Variants in LCA5L observed in about 807,000 individuals in gnomAD.
The protein encoded by LCA5L is lebercilin LCA5 like.
LCA5L carries 35 observed loss-of-function variants against 45.4 expected under a neutral mutation model. The observed-to-expected ratio is 0.77, with a 90% CI of 0.59 to 1.02. The LOEUF is 1.02. Among genes scored for constraint, LCA5L ranks in the 50% least tolerant of loss-of-function variants. The probability of loss-of-function intolerance (pLI) is 0.00; values close to 1 mark genes in which losing one functional copy is unlikely to be tolerated. For missense variants in LCA5L, 668 were observed against 761.6 expected, an observed-to-expected ratio of 0.88 and a Z score of 1.45; for synonymous variants, 233 against 264.7, an observed-to-expected ratio of 0.88 and a Z score of 1.16.
chr21:39,437,213 A>G (rs1217229985), intron 2 of LCA5L, among the ~76,000 whole-genome samples: 1 of 152,220 alleles, frequency 6.6e-6, no homozygotes, highest in African/African-American at 2.4e-5. Context: ...CAATGTGATA[A>G]ATACCTATCT....
At chr21:39,438,395 TGTGGAAAAA>T (rs2076490752) in intron 2 of LCA5L, among the ~76,000 whole-genome samples, 1 of 151,402 alleles carries the variant, frequency 6.6e-6, no homozygotes, top group Non-Finnish European at 1.5e-5. Context: ...AAACACAGAG[TGTGGAAAAA>T]CATAAAGCCT....
intron 2 of LCA5L, among the ~76,000 whole-genome samples, chr21:39,441,468 A>G (rs2076851444): frequency 1.3e-5 from 2 of 152,236 alleles, no homozygotes; most frequent in African/African-American, 4.8e-5. Flanking sequence ...GGTCCAGTCT[A>G]GCACTAAAAT....
rs762376650 is a variant in LCA5L, at chr21:39,428,446, G to A, written c.48C>T (p.Phe16=). The A allele has an allele frequency of 6.8e-6, 11 of 1,610,704 alleles. No individual in the cohort carries two copies. The highest frequency in any genetic ancestry group is 1.6e-4 in the Middle Eastern group (1 of 6,074). Residue 16 remains phenylalanine (F), a synonymous_variant, in exon 5 of 11, where the codon TTC becomes TTT. Transcript: ENST00000288350. ...TCCTATTGTTTTCTAATGCCACGCC[G>A]AAGAAATGCTCATCTATATTTGTTT... ...LTKTNIDEHF[F]GVALENNRRS... is the part of the protein sequence containing the mutation.
intron 10 of LCA5L, among the ~76,000 whole-genome samples, chr21:39,408,165 A>T (rs1212367528): frequency 6.6e-6 from 1 of 152,240 alleles, no homozygotes; most frequent in Non-Finnish European, 1.5e-5. Flanking sequence ...TGGTAATGTA[A>T]CATGAAAACA....
intron 10 of LCA5L, 194 bp from the exon 11 acceptor site, chr21:39,406,806 T>A: frequency 2.0e-6 from 1 of 491,620 alleles, no homozygotes; most frequent in Non-Finnish European, 3.5e-6. Flanking sequence ...TACAGTTTCT[T>A]GGAACTTCCC....
At chr21:39,431,183 C>T (rs79800514) in intron 3 of LCA5L, among the ~76,000 whole-genome samples, 7,672 of 152,146 alleles carry the variant, frequency 0.05, 396 homozygotes, top group African/African-American at 0.13. Context: ...AAGGTGTTAC[C>T]GCCCTCTCCA....
Position 39,411,713 on chromosome 21 carries a change from C to T in LCA5L, c.1060+5G>A. Reference sequence around the variant, plus strand: ...AGATTTTGAGCAAAAGTAATTAAAACATACCTTTTGGATAGTCCTCTGTGT... The same window carrying T: ...AGATTTTGAGCAAAAGTAATTAAAATATACCTTTTGGATAGTCCTCTGTGT... On this transcript the variant is annotated splice_donor_5th_base_variant and intron_variant, in intron 8 of 10. Transcript: ENST00000288350. 1 of 1,390,018 alleles carries T rather than the reference C, an allele frequency of 7.2e-7. No individual in the cohort carries two copies. Among genetic ancestry groups the T allele is most frequent in the South Asian group, 1.4e-5 (1 of 70,492 alleles). The allele number at this position is 1,390,018 out of a possible 1,614,324, so 86.1% of individuals were successfully genotyped here.
Position 39,428,599 on chromosome 21 carries a change from T to TATATATATATA in LCA5L, c.-10-97_-10-96insTATATATATAT, listed in dbSNP as rs59297439. On this transcript the variant is annotated intron_variant, in intron 4 of 10. Transcript: ENST00000288350. ...TATTTTATATATATATATATATATA[T>TATATATATATA]TTTTTTTTTTTTTTTTTTTTTTTTT... 114 of 19,526 alleles carry TATATATATATA rather than the reference T, an allele frequency of 5.8e-3. 1 individual carries two copies. Among genetic ancestry groups the TATATATATATA allele is most frequent in the Non-Finnish European group, 7.3e-3 (85 of 11,568 alleles). The allele number at this position is 19,526 out of a possible 1,614,324, so 1.2% of individuals were successfully genotyped here. A position where few individuals can be genotyped will look rare whatever the true frequency, so the allele number is the denominator to read the frequency against.
chr21:39,412,786 G>A lies in LCA5L; in HGVS notation c.976-984C>T, dbSNP rs897888236. 3.3e-5 allele frequency among the ~76,000 whole-genome samples: 5 copies of A among 152,162 alleles called. No homozygotes were observed. In the East Asian group the frequency reaches 5.8e-4, roughly 18 times the overall value. ...GAAAATTGCAAGCCCCTTAAAAAGCGCCTCCCCCGCCGCCCCATTCATCAT... is the reference window on the plus strand; with the variant it reads ...GAAAATTGCAAGCCCCTTAAAAAGCACCTCCCCCGCCGCCCCATTCATCAT... On this transcript the variant is annotated intron_variant, in intron 7 of 10. Transcript: ENST00000288350.
At chr21:39,428,581 TATA>T in intron 4 of LCA5L, 78 bp from the exon 5 acceptor site, 1 of 32,916 alleles carries the variant, frequency 3.0e-5, no homozygotes, top group Non-Finnish European at 6.8e-5. Context: ...CTTTATTTTA[TATA>T]TATATATATA....
chr21:39,445,404 C>G (rs980311814), intron 1 of LCA5L: 1 of 152,352 alleles, frequency 6.6e-6, no homozygotes, highest in Non-Finnish European at 1.5e-5. Context: ...GATCGGCCTC[C>G]GCCCCCTCGC....
At chr21:39,441,336 CT>C (rs1178059705) in intron 2 of LCA5L, among the ~76,000 whole-genome samples, 1 of 152,070 alleles carries the variant, frequency 6.6e-6, no homozygotes, top group African/African-American at 2.4e-5. Flanking sequence ...GAACAAAACA[CT>C]GATTGAGAGG....
At chr21:39,414,730 CTCTCTCTCTCTCTG>C (rs2040762119) in intron 7 of LCA5L, among the ~76,000 whole-genome samples, 3 of 113,608 alleles carry the variant, frequency 2.6e-5, no homozygotes, top group South Asian at 3.1e-4. Flanking sequence ...CTCTCTCTCT[CTCTCTCTCTCTCTG>C]TGTGTGTGTG....
chr21:39,420,542 G>C (rs781198736), intron 7 of LCA5L, among the ~76,000 whole-genome samples, 164 bp downstream of exon 7: 1 of 57,152 alleles, frequency 1.7e-5, no homozygotes, highest in African/African-American at 7.1e-5. Context: ...AAAAAAAAAA[G>C]ATAAACAGAA....
chr21:39,406,047 A>G lies in LCA5L; in HGVS notation c.1848T>C (p.Pro616=), dbSNP rs763644598. 4 of 1,614,102 alleles carry G rather than the reference A, an allele frequency of 2.5e-6. No homozygotes were observed. The African/African-American group carries it at 5.3e-5, about 22-fold the overall frequency. ...GYVLKTDQSS[P]GVAKGSEEPL... is the part of the protein sequence containing the mutation. ...GCTCCTCTGAGCCTTTTGCAACACC[A>G]GGACTTGATTGGTCAGTTTTCAAGA... Residue 616 remains proline, a synonymous_variant, in exon 11 of 11, where the codon CCT becomes CCC. Coordinates refer to ENST00000288350, the MANE Select transcript of LCA5L (RefSeq NM_152505.4).
At chr21:39,435,364 A>G (rs1394230039) in intron 3 of LCA5L, 56 bp downstream of exon 3, 1 of 152,190 alleles carries the variant, frequency 6.6e-6, no homozygotes, top group Non-Finnish European at 1.5e-5. Flanking sequence ...TGCTTTTGCA[A>G]CAAGGCAGAT....
At chr21:39,429,605 A>C (rs959305257) in intron 3 of LCA5L, among the ~76,000 whole-genome samples, 3 of 152,192 alleles carry the variant, frequency 2.0e-5, no homozygotes, top group African/African-American at 7.2e-5. Context: ...TGACTGCAAC[A>C]CCACATTGGT....
At chr21:39,430,730 C>T (rs1219642655) in intron 3 of LCA5L, among the ~76,000 whole-genome samples, 1 of 152,162 alleles carries the variant, frequency 6.6e-6, no homozygotes, top group Admixed American at 6.5e-5. Flanking sequence ...CTCTGACTGA[C>T]ACCACCAATA....
At chr21:39,420,909 T>C in intron 6 of LCA5L, 66 bp from the exon 7 acceptor site, 1 of 1,211,624 alleles carries the variant, frequency 8.3e-7, no homozygotes, top group Non-Finnish European at 1.2e-6. Flanking sequence ...TCAATTATCA[T>C]GGAACTAACT....
Sources: allele counts gnomAD v4.1 joint callset (sites outside exome capture counted in the v4.1 genomes callset), GRCh38; gene constraint gnomAD v4.1.1; transcripts MANE v1.5; gene names NCBI Gene and HGNC (gene_info 2026-07-23, HGNC 2026-07-21).